The following DLEU7 variants were observed in gnomAD, a reference collection of about 807,000 sequenced individuals.
DLEU7 encodes leukemia-associated protein 7.
Under a neutral mutation model 16.0 loss-of-function variants are expected in DLEU7, and 17 were observed. The ratio of observed to expected loss-of-function variants is 1.06; its 90% CI spans 0.73 to 1.59. DLEU7 has a LOEUF of 1.59. Ranked by LOEUF, DLEU7 falls within the 40% of genes most tolerant of loss-of-function variation. The probability of loss-of-function intolerance (pLI) is 0.00; values close to 1 mark genes in which losing one functional copy is unlikely to be tolerated. For synonymous variants in DLEU7, 113 were observed against 139.8 expected, an observed-to-expected ratio of 0.81 and a Z score of 1.35; for missense variants, 308 against 314.9, an observed-to-expected ratio of 0.98 and a Z score of 0.17.
At chr13:50,822,164 G>A (rs1219631461), downstream of DLEU7, among the ~76,000 whole-genome samples, 1 of 152,008 alleles carries the variant, frequency 6.6e-6, no homozygotes, top group African/African-American at 2.4e-5. Flanking sequence ...GGTCAGTTAC[G>A]TCCAAAGAGA....
intron 1 of DLEU7, among the ~76,000 whole-genome samples, chr13:50,788,981 G>A (rs910820932): frequency 6.6e-6 from 1 of 152,150 alleles, no homozygotes; most frequent in African/African-American, 2.4e-5. Context: ...GCCGAGTGAA[G>A]TTTATTTTCC....
intron 1 of DLEU7, chr13:50,808,415 T>C (rs1204291949): frequency 1.3e-5 from 2 of 152,162 alleles, no homozygotes; most frequent in African/African-American, 2.4e-5. Flanking sequence ...TATATACTTA[T>C]ATGAGGTTGG....
At chr13:50,810,184 G>A (rs1165253984) in intron 1 of DLEU7, among the ~76,000 whole-genome samples, 7 of 83,138 alleles carry the variant, frequency 8.4e-5, no homozygotes, top group Non-Finnish European at 1.7e-4. Flanking sequence ...AAGAAATTCT[G>A]GAAAAAAAAA....
intron 1 of DLEU7, among the ~76,000 whole-genome samples, chr13:50,752,748 G>A (rs1874610715): frequency 6.6e-6 from 1 of 152,140 alleles, no homozygotes. Flanking sequence ...CGTGGTGAGT[G>A]TTATAGCTCA....
chr13:50,758,025 A>ATTTTTTTTTTTT (rs5803530), intron 1 of DLEU7, among the ~76,000 whole-genome samples: 1 of 89,110 alleles, frequency 1.1e-5, no homozygotes, highest in Admixed American at 1.3e-4. Context: ...CATTACCAAG[A>ATTTTTTTTTTTT]TTTTTTTTTT....
intron 1 of DLEU7, among the ~76,000 whole-genome samples, chr13:50,778,779 A>T (rs1875572582): frequency 6.6e-6 from 1 of 152,244 alleles, no homozygotes; most frequent in African/African-American, 2.4e-5. Flanking sequence ...CATGAACTCA[A>T]TTTAGATAAA....
At chr13:50,800,572 A>G (rs1294767479) in intron 1 of DLEU7, among the ~76,000 whole-genome samples, 1 of 152,110 alleles carries the variant, frequency 6.6e-6, no homozygotes. Flanking sequence ...GAAGAACATA[A>G]GCATCTAAAA....
intron 1 of DLEU7, among the ~76,000 whole-genome samples, chr13:50,753,269 G>A (rs1874637334): frequency 6.6e-6 from 1 of 152,242 alleles, no homozygotes; most frequent in African/African-American, 2.4e-5. Context: ...CACCAGGGCT[G>A]CAGGTGGAGC....
At chr13:50,822,028 A>G (rs530443190), downstream of DLEU7, among the ~76,000 whole-genome samples, 10 of 152,218 alleles carry the variant, frequency 6.6e-5, no homozygotes, top group East Asian at 1.9e-4. Flanking sequence ...TCACCCCTAC[A>G]CACACTCATG....
chr13:50,825,907 C>T (rs150366885), intron 1 of DLEU7, among the ~76,000 whole-genome samples: 3 of 152,102 alleles, frequency 2.0e-5, no homozygotes, highest in Non-Finnish European at 4.4e-5. Flanking sequence ...ATGTGCACAA[C>T]GTGCAGGTTT....
chr13:50,729,269 A>G (rs1355234226), intron 1 of DLEU7, among the ~76,000 whole-genome samples: 5 of 152,284 alleles, frequency 3.3e-5, no homozygotes, highest in Non-Finnish European at 2.9e-5. Flanking sequence ...ACTTATAAGA[A>G]AGAACATGCA....
intron 1 of DLEU7, among the ~76,000 whole-genome samples, chr13:50,770,031 C>T (rs1247944165): frequency 1.3e-5 from 2 of 152,078 alleles, no homozygotes; most frequent in East Asian, 3.9e-4. Context: ...CTCTTTGAAG[C>T]AATTGTGAAT....
At chr13:50,804,543 A>G (rs1419197907) in intron 1 of DLEU7, among the ~76,000 whole-genome samples, 2 of 151,906 alleles carry the variant, frequency 1.3e-5, no homozygotes, top group African/African-American at 4.8e-5. Flanking sequence ...TCCTGGGTTC[A>G]AGTGATTCTC....
downstream of DLEU7, among the ~76,000 whole-genome samples, chr13:50,822,003 T>C (rs1876920873): frequency 6.6e-6 from 1 of 152,078 alleles, no homozygotes; most frequent in African/African-American, 2.4e-5. Flanking sequence ...AAATGCCCTT[T>C]ATTTCTGGCC....
At chr13:50,732,553 G>C (rs975309474) in intron 1 of DLEU7, among the ~76,000 whole-genome samples, 3 of 135,812 alleles carry the variant, frequency 2.2e-5, no homozygotes, top group Non-Finnish European at 4.6e-5. Flanking sequence ...GTTGCAGTGA[G>C]CCGAGATCGA....
At chr13:50,826,647 G>C (rs1335715057) in intron 1 of DLEU7, among the ~76,000 whole-genome samples, 1 of 152,072 alleles carries the variant, frequency 6.6e-6, no homozygotes, top group African/African-American at 2.4e-5. Context: ...GAGAACAATG[G>C]ATTAGAATTA....
At chr13:50,803,516 G>A (rs1238341786) in intron 1 of DLEU7, among the ~76,000 whole-genome samples, 4 of 152,080 alleles carry the variant, frequency 2.6e-5, no homozygotes, top group Non-Finnish European at 5.9e-5. Context: ...CACTTGAAAT[G>A]TGGCTAGTTC....
chr13:50,715,925 T>C (rs1476638474), intron 1 of DLEU7, among the ~76,000 whole-genome samples: 2 of 152,242 alleles, frequency 1.3e-5, no homozygotes, highest in Non-Finnish European at 2.9e-5. Context: ...ACCTTGCTGC[T>C]ACCCTGCAGC....
intron 1 of DLEU7, among the ~76,000 whole-genome samples, chr13:50,752,761 A>G (rs977141930): frequency 3.3e-4 from 50 of 152,200 alleles, no homozygotes; most frequent in African/African-American, 1.2e-3. Flanking sequence ...ATAGCTCATA[A>G]AGGCAGTGTG....
Sources: gnomAD v4.1 joint callset for allele counts (sites outside exome capture counted in the v4.1 genomes callset) on GRCh38, gnomAD v4.1.1 for gene constraint, MANE v1.5 for transcripts, NCBI Gene and HGNC (gene_info 2026-07-23, HGNC 2026-07-21) for gene names.